The following CTNNA1 variants were observed in gnomAD, a reference collection of about 807,000 sequenced individuals.
CTNNA1 encodes catenin alpha-1.
Under a neutral mutation model 98.4 loss-of-function variants are expected in CTNNA1, and 37 were observed. The observed-to-expected ratio is 0.38, with a 90% CI of 0.29 to 0.49. The LOEUF (loss-of-function observed/expected upper bound fraction) is 0.49, where lower values mean the gene tolerates loss of function less well. Ranked by LOEUF, CTNNA1 falls within the 20% of genes least tolerant of loss-of-function variation. The pLI, the probability that CTNNA1 is intolerant of heterozygous loss-of-function variation, is 0.95. For synonymous variants in CTNNA1, 404 were observed against 413.2 expected (o/e 0.98, Z 0.27); for missense variants, 761 against 1,147.2 (o/e 0.66, Z 4.86).
At chr5:138,798,640 GT>G (rs1046772858) in intron 3 of CTNNA1, among the ~76,000 whole-genome samples, 1 of 152,208 alleles carries the variant, frequency 6.6e-6, no homozygotes, top group Non-Finnish European at 1.5e-5. Context: ...AGAATTGTGG[GT>G]TTTTTTGTTT....
At chr5:138,904,685 G>A (rs370290018) in intron 10 of CTNNA1, 27 of 444,396 alleles carry the variant, frequency 6.1e-5, no homozygotes, top group East Asian at 7.3e-5. Context: ...GGCTGGGCAC[G>A]GTGGCTCACG....
intron 7 of CTNNA1, among the ~76,000 whole-genome samples, chr5:138,851,421 T>C (rs927192393): frequency 5.9e-5 from 9 of 152,146 alleles, no homozygotes; most frequent in Admixed American, 5.2e-4. Flanking sequence ...GAAGAATAGG[T>C]GATTTTAGTC....
At chr5:138,915,986 T>C (rs1761638991) in intron 10 of CTNNA1, among the ~76,000 whole-genome samples, 1 of 151,774 alleles carries the variant, frequency 6.6e-6, no homozygotes, top group South Asian at 2.1e-4. Context: ...GAGAGGGAGG[T>C]TGCAGTGAGC....
Position 138,824,737 on chromosome 5 carries a change from G to C in CTNNA1, c.796G>C (p.Asp266His). ...TGCAGCCCAGGCCACTGCCTCAGAC[G>C]ATGCCTCACAGCACCAGGGTGGAGG... is the stretch of plus-strand genomic sequence containing the variant. ...SNAAQATASD[D>H]ASQHQGGGGG... Residue 266 changes from aspartate (D) to histidine (H), a missense_variant, in exon 6 of 18, where the codon GAT becomes CAT. This residue lies in a region of CTNNA1 where 328 missense variants were observed against 354.3 expected (regional missense o/e 0.93). Coordinates refer to ENST00000302763, the MANE Select transcript of CTNNA1 (RefSeq NM_001903.5). The C allele has an allele frequency of 1.2e-6, 2 of 1,614,172 alleles. No individual in the cohort carries two copies. Among genetic ancestry groups the C allele is most frequent in the Non-Finnish European group, 8.5e-7 (1 of 1,180,020 alleles).
intron 1 of CTNNA1, among the ~76,000 whole-genome samples, chr5:138,763,728 T>C (rs1236792101): frequency 6.6e-6 from 1 of 152,236 alleles, no homozygotes; most frequent in African/African-American, 2.4e-5. Flanking sequence ...GAGAAGCATG[T>C]TACTATTACT....
intron 7 of CTNNA1, among the ~76,000 whole-genome samples, chr5:138,839,228 T>A (rs767878848): frequency 6.6e-5 from 10 of 152,322 alleles, no homozygotes; most frequent in Non-Finnish European, 1.2e-4. Flanking sequence ...CTTTTTATTT[T>A]TTTTTTCTTT....
intron 1 of CTNNA1, among the ~76,000 whole-genome samples, chr5:138,774,628 CT>C (rs1219039290): frequency 4.5e-4 from 65 of 146,040 alleles, no homozygotes; most frequent in Non-Finnish European, 4.1e-4. Flanking sequence ...GTTGTGCCAC[CT>C]TTTTTTTTTT....
rs963122972 is a variant in CTNNA1 at position 138,934,610 on chromosome 5, A to C, written c.*521A>C. On this transcript the variant is annotated 3_prime_UTR_variant, in exon 18 of 18. Coordinates refer to ENST00000302763, the MANE Select transcript of CTNNA1 (RefSeq NM_001903.5). ...CTCAGTAAAACATAATGTATCATGA[A>C]GAAAACTGATTCTCTATGACATGAA... The C allele has an allele frequency of 6.0e-5, 9 of 150,398 alleles. No individual in the cohort carries two copies. The highest frequency in any genetic ancestry group is 7.4e-5 in the Non-Finnish European group (5 of 67,522). 9.3% of individuals were successfully genotyped at this position (150,398 alleles called of 1,614,324 possible). A position where few individuals can be genotyped will look rare whatever the true frequency, so the allele number is the denominator to read the frequency against.
At chr5:138,817,453 A>G (rs536905882) in intron 5 of CTNNA1, among the ~76,000 whole-genome samples, 6 of 152,146 alleles carry the variant, frequency 3.9e-5, no homozygotes, top group Non-Finnish European at 7.4e-5. Context: ...CTGTATGTCC[A>G]TATCTCTCCC....
intron 3 of CTNNA1, among the ~76,000 whole-genome samples, chr5:138,798,597 C>T (rs1757216828): frequency 6.6e-6 from 1 of 152,180 alleles, no homozygotes; most frequent in African/African-American, 2.4e-5. Flanking sequence ...TTTGATGCTT[C>T]AAAAACTTCT....
At chr5:138,832,938 A>T (rs1761416688) in intron 7 of CTNNA1, among the ~76,000 whole-genome samples, 1 of 152,152 alleles carries the variant, frequency 6.6e-6, no homozygotes. Context: ...TATACAGCTG[A>T]CTTCTTTATT....
At chr5:138,892,138 GC>G (rs1755512590) in intron 9 of CTNNA1, among the ~76,000 whole-genome samples, 1 of 151,976 alleles carries the variant, frequency 6.6e-6, no homozygotes, top group Non-Finnish European at 1.5e-5. Context: ...ACCAAGCTGT[GC>G]CCCAAGCACC....
At chr5:138,812,382 A>G in intron 5 of CTNNA1, 80 bp downstream of exon 5, 1 of 1,481,500 alleles carries the variant, frequency 6.7e-7, no homozygotes, top group Non-Finnish European at 9.1e-7. Context: ...GTGTTTTCTG[A>G]AAGTACCATT....
chr5:138,825,481 A>ATTTTTTTTTTTTTTTT (rs1561565679), intron 6 of CTNNA1, among the ~76,000 whole-genome samples: 9 of 21,308 alleles, frequency 4.2e-4, no homozygotes, highest in East Asian at 0.012. Context: ...CAGCAGTATA[A>ATTTTTTTTTTTTTTTT]GTTTTTTTTT....
chr5:138,925,473 CG>C, intron 13 of CTNNA1, 66 bp downstream of exon 13: 2 of 1,571,632 alleles, frequency 1.3e-6, no homozygotes, highest in Non-Finnish European at 1.7e-6. Context: ...TTGAGCAATG[CG>C]TCATTCTAGA....
chr5:138,825,316 T>C (rs1371812605), intron 6 of CTNNA1, among the ~76,000 whole-genome samples: 1 of 152,128 alleles, frequency 6.6e-6, no homozygotes. Flanking sequence ...GAAGCAAATT[T>C]GGGATTAAAA....
intron 3 of CTNNA1, among the ~76,000 whole-genome samples, chr5:138,784,194 G>A (rs1295362696): frequency 8.5e-5 from 13 of 152,218 alleles, no homozygotes; most frequent in Admixed American, 7.2e-4. Context: ...ATGAGCCACA[G>A]TGCCCGGCCT....
At chr5:138,795,141 G>C (rs1261450894) in intron 3 of CTNNA1, among the ~76,000 whole-genome samples, 1 of 132,222 alleles carries the variant, frequency 7.6e-6, no homozygotes, top group Non-Finnish European at 1.6e-5. Flanking sequence ...AGGTGAAGGA[G>C]TGAGACTCTC....
intron 9 of CTNNA1, among the ~76,000 whole-genome samples, chr5:138,893,523 CCTTT>C: frequency 6.6e-6 from 1 of 151,712 alleles, no homozygotes; most frequent in South Asian, 2.1e-4. Flanking sequence ...CCATTTGTGT[CCTTT>C]CTTTAAAATA....
Sources: allele counts gnomAD v4.1 joint callset (sites outside exome capture counted in the v4.1 genomes callset), GRCh38; gene constraint gnomAD v4.1.1; regional missense constraint gnomAD v4.1.1; transcripts MANE v1.5; gene names NCBI Gene and HGNC (gene_info 2026-07-23, HGNC 2026-07-21).